MAP2K5: variants seen among roughly 807,000 people sequenced by gnomAD.
MAP2K5 encodes dual specificity mitogen-activated protein kinase kinase 5.
Under a neutral mutation model 83.1 loss-of-function variants are expected in MAP2K5, and 49 were observed. That is an observed-to-expected ratio of 0.59 (90% CI 0.47 to 0.75). MAP2K5 has a LOEUF of 0.75. Ranked by LOEUF, MAP2K5 falls within the 30% of genes least tolerant of loss-of-function variation. The pLI is 0.00. For synonymous variants in MAP2K5, 202 were observed against 191.8 expected, an observed-to-expected ratio of 1.05 and a Z score of -0.44; for missense variants, 457 against 557.5, an observed-to-expected ratio of 0.82 and a Z score of 1.82.
intron 19 of MAP2K5, among the ~76,000 whole-genome samples, chr15:67,751,241 A>G (rs534351965): frequency 2.6e-5 from 4 of 152,144 alleles, no homozygotes; most frequent in African/African-American, 9.7e-5. Context: ...CAGACCACAG[A>G]TCAGGACCTG....
At chr15:67,566,391 G>T (rs1426944682) in intron 3 of MAP2K5, among the ~76,000 whole-genome samples, 1 of 152,036 alleles carries the variant, frequency 6.6e-6, no homozygotes, top group Admixed American at 6.6e-5. Flanking sequence ...GGCCAGGCTG[G>T]TCTCGAACTC....
chr15:67,714,413 GGAAAAAAAAAAAAAAAAAA>G (rs2088779052), intron 16 of MAP2K5, among the ~76,000 whole-genome samples: 4 of 42,682 alleles, frequency 9.4e-5, no homozygotes, highest in East Asian at 9.8e-4. Flanking sequence ...CAGCTGCCAG[GGAAAAAAAAAAAAAAAAAA>G]AAAAAAAAAA....
chr15:67,735,116 T>A, intron 17 of MAP2K5, among the ~76,000 whole-genome samples: 1 of 152,218 alleles, frequency 6.6e-6, no homozygotes, highest in East Asian at 1.9e-4. Flanking sequence ...TCCTAGGAAT[T>A]TTTAAATTGC....
chr15:67,793,225 T>G lies in MAP2K5; in HGVS notation c.1243-13421T>G, dbSNP rs1280706099. ...GTTCAAAGGTGTAGTGCGGAATGAT[T>G]GTGCTTGTGAATAGCCACTGTGCTC... On this transcript the variant is annotated intron_variant, in intron 21 of 21. Coordinates refer to ENST00000178640, the MANE Select transcript of MAP2K5 (RefSeq NM_145160.3). This position sits in a 1 kb window ranked among gnomAD's most constrained non-coding sequence, Gnocchi z 4.6. Among the ~76,000 whole-genome samples the G allele has an allele frequency of 1.3e-5, 2 of 152,294 alleles. No individual in the cohort carries two copies. Among genetic ancestry groups the G allele is most frequent in the African/African-American group, 2.4e-5 (1 of 41,540 alleles).
Position 67,646,372 on chromosome 15 carries a change from C to G in MAP2K5, c.655-16C>G, listed in dbSNP as rs1327919420. ...CTTGCAGGTTTATAACTACTTTTGT[C>G]TTATTTTTGTTACAGTGCGATTCAT... On this transcript the variant is annotated splice_polypyrimidine_tract_variant and intron_variant, in intron 10 of 21. Coordinates refer to ENST00000178640, the MANE Select transcript of MAP2K5 (RefSeq NM_145160.3). 1.3e-6 allele frequency: 2 copies of G among 1,535,064 alleles called. No homozygotes were observed. Among genetic ancestry groups the G allele is most frequent in the African/African-American group, 2.7e-5 (2 of 72,862 alleles).
rs11289969 is a variant in MAP2K5 at position 67,622,144 on chromosome 15, C to CA, written c.546-8724dup. Among the ~76,000 whole-genome samples the CA allele has an allele frequency of 1.2e-3, 113 of 90,602 alleles. 1 individual carries two copies. Among genetic ancestry groups the CA allele is most frequent in the East Asian group, 3.3e-3 (11 of 3,374 alleles). 59.4% of individuals were successfully genotyped at this position (90,602 alleles called of 152,430 possible). A position where few individuals can be genotyped will look rare whatever the true frequency, so the allele number is the denominator to read the frequency against. On this transcript the variant is annotated intron_variant, in intron 8 of 21. Transcript: ENST00000178640. ...TGGGCAACAGAGTGAGGCTCCATCT[C>CA]AAAAAAAAAAAAAAAAAAAAGAAGA...
chr15:67,740,624 CA>C (rs1359157731), intron 17 of MAP2K5, among the ~76,000 whole-genome samples: 1 of 152,072 alleles, frequency 6.6e-6, no homozygotes, highest in Non-Finnish European at 1.5e-5. Context: ...TTTTCAGTCT[CA>C]GATTTCTTTT....
rs1319285311 is a variant in MAP2K5, at chr15:67,769,721, C to T, written c.1196+58C>T. On this transcript the variant is annotated intron_variant, in intron 20 of 21. Coordinates refer to ENST00000178640, the MANE Select transcript of MAP2K5 (RefSeq NM_145160.3). The surrounding 1 kb of genome is among the most constrained non-coding windows in gnomAD (Gnocchi z 5.2). ...ATGTAAATGATACATGCCATTAACT[C>T]GGCAGCTCCGTGAGACCTTATGGCT... is the stretch of plus-strand genomic sequence containing the variant. The T allele has an allele frequency of 2.4e-5, 38 of 1,555,856 alleles. No homozygotes were observed. Among genetic ancestry groups the T allele is most frequent in the Non-Finnish European group, 3.2e-5 (36 of 1,129,164 alleles).
intron 3 of MAP2K5, among the ~76,000 whole-genome samples, chr15:67,575,939 A>G (rs531524073): frequency 3.4e-3 from 62 of 18,322 alleles, no homozygotes; most frequent in Non-Finnish European, 6.9e-3. Flanking sequence ...TTTTTTTTTA[A>G]GATGGAGTCT....
chr15:67,699,505 A>G (rs958270013), intron 15 of MAP2K5, among the ~76,000 whole-genome samples: 5 of 152,206 alleles, frequency 3.3e-5, no homozygotes, highest in South Asian at 2.1e-4. Flanking sequence ...GGAACAAACT[A>G]TGACCATAGC....
In MAP2K5 at chr15:67,748,338, T is replaced by G. The variant is rs2089648857; in HGVS notation, c.1101+81T>G. ...CCTTTGCATGCTTGAATGCCTTGTT[T>G]TAAACTTAGCAAATTGCATTTTGAA... is the stretch of plus-strand genomic sequence containing the variant. On this transcript the variant is annotated intron_variant, in intron 18 of 21. Transcript: ENST00000178640. This position sits in a 1 kb window ranked among gnomAD's most constrained non-coding sequence, Gnocchi z 4.0. 1 of 1,240,552 alleles carries G rather than the reference T, an allele frequency of 8.1e-7. No homozygotes were observed. The highest frequency in any genetic ancestry group is 1.5e-5 in the African/African-American group (1 of 66,982). 76.8% of individuals were successfully genotyped at this position (1,240,552 alleles called of 1,614,324 possible). A position where few individuals can be genotyped will look rare whatever the true frequency, so the allele number is the denominator to read the frequency against.
intron 16 of MAP2K5, among the ~76,000 whole-genome samples, chr15:67,723,463 A>G (rs946471697): frequency 6.6e-6 from 1 of 152,192 alleles, no homozygotes; most frequent in African/African-American, 2.4e-5. Context: ...TGTATCCCCA[A>G]CTGGTAACAC....
At chr15:67,650,912 C>CT (rs1760194570) in intron 11 of MAP2K5, among the ~76,000 whole-genome samples, 1 of 152,082 alleles carries the variant, frequency 6.6e-6, no homozygotes, top group East Asian at 1.9e-4. Flanking sequence ...CATGTTAATT[C>CT]TTTTTTTAAA....
Position 67,790,439 on chromosome 15 carries a change from T to G in MAP2K5, c.1243-16207T>G, listed in dbSNP as rs1048921802. 2.6e-5 allele frequency among the ~76,000 whole-genome samples: 4 copies of G among 152,228 alleles called. No individual in the cohort carries two copies. Among genetic ancestry groups the G allele is most frequent in the Non-Finnish European group, 5.9e-5 (4 of 68,038 alleles). On this transcript the variant is annotated intron_variant, in intron 21 of 21. Transcript: ENST00000178640. The surrounding 1 kb of genome is among the most constrained non-coding windows in gnomAD (Gnocchi z 4.6). The stretch of plus-strand genomic sequence containing the variant: ...AAAATACCCTTTTCATATCACACAC[T>G]AATAAACTGTATTTGAAATGCTGTC...
intron 1 of MAP2K5, among the ~76,000 whole-genome samples, chr15:67,549,384 G>T (rs1022679096): frequency 6.6e-6 from 1 of 152,154 alleles, no homozygotes; most frequent in Non-Finnish European, 1.5e-5. Context: ...TTGCTTAAGA[G>T]TAAAGGTTGA....
chr15:67,615,041 A>G (rs1226918536), intron 8 of MAP2K5, among the ~76,000 whole-genome samples: 1 of 151,880 alleles, frequency 6.6e-6, no homozygotes, highest in African/African-American at 2.4e-5. Flanking sequence ...CTTGTTGCCC[A>G]GGCTGGAGTG....
In MAP2K5 at chr15:67,562,576, A is replaced by G. The variant is rs896915842; in HGVS notation, c.185-707A>G. Among the ~76,000 whole-genome samples the G allele has an allele frequency of 6.6e-6, 1 of 152,188 alleles. No individual in the cohort carries two copies. Among genetic ancestry groups the G allele is most frequent in the African/African-American group, 2.4e-5 (1 of 41,438 alleles). ...GCCTTAAGACTTAAATTATTTCAAA[A>G]TAGCATGAATAGCATTTGAAGCTTT... On this transcript the variant is annotated intron_variant, in intron 2 of 21. Transcript: ENST00000178640. This position sits in a 1 kb window ranked among gnomAD's most constrained non-coding sequence, Gnocchi z 4.1.
intron 21 of MAP2K5, among the ~76,000 whole-genome samples, chr15:67,792,729 G>A (rs2090539575): frequency 6.6e-6 from 1 of 152,180 alleles, no homozygotes. Context: ...TCTGCTCTGT[G>A]AGATATTTCT....
intron 16 of MAP2K5, among the ~76,000 whole-genome samples, chr15:67,715,231 CGG>C (rs1175347713): frequency 7.7e-6 from 1 of 129,050 alleles, no homozygotes; most frequent in African/African-American, 2.9e-5. Context: ...TTTTTTTGGG[CGG>C]GGAGGGGGGG....
Sources: gnomAD v4.1 joint callset for allele counts (sites outside exome capture counted in the v4.1 genomes callset) on GRCh38, gnomAD v4.1.1 for gene constraint, Gnocchi (gnomAD v3.1) non-coding constraint, MANE v1.5 for transcripts, NCBI Gene and HGNC (gene_info 2026-07-23, HGNC 2026-07-21) for gene names.